CCDC15: variants seen among roughly 807,000 people sequenced by gnomAD.
CCDC15 encodes the protein coiled-coil domain containing 15.
CCDC15 carries 105 observed loss-of-function variants against 114.5 expected under a neutral mutation model. The observed-to-expected ratio is 0.92, with a 90% CI of 0.78 to 1.08. The LOEUF (loss-of-function observed/expected upper bound fraction) is 1.08. Ranked by LOEUF, CCDC15 falls within the 50% of genes least tolerant of loss-of-function variation. The pLI is 0.00. For missense variants in CCDC15, 1,105 were observed against 1,093.6 expected, an observed-to-expected ratio of 1.01 and a Z score of -0.15; for synonymous variants, 334 against 377.8, an observed-to-expected ratio of 0.88 and a Z score of 1.34.
intron 8 of CCDC15, among the ~76,000 whole-genome samples, chr11:124,989,695 T>G (rs548415329): frequency 6.6e-6 from 1 of 152,220 alleles, no homozygotes; most frequent in African/African-American, 2.4e-5. Context: ...CACTTACCGC[T>G]TCACCTTGCC....
intron 13 of CCDC15, among the ~76,000 whole-genome samples, chr11:125,017,557 A>C (rs1948636371): frequency 6.6e-6 from 1 of 152,194 alleles, no homozygotes; most frequent in Admixed American, 6.6e-5. Context: ...TGTACAATGC[A>C]TAATGGCTGA....
chr11:124,987,973 C>T lies in CCDC15; in HGVS notation c.1747C>T (p.Gln583Ter). ...DQNILPICQDQDFLPRDQGYL... is the reference protein window; with the variant it reads ...DQNILPICQD ...AAATATTCTACCCATATGTCAGGAC[C>T]AGGATTTTCTACCCAGAGACCAAGG... Residue 583 changes from glutamine (Q) to a stop codon, truncating the protein, a stop_gained, in exon 8 of 16, where the codon CAG becomes TAG. Transcript: ENST00000344762. LOFTEE classifies it high-confidence loss of function. The T allele has an allele frequency of 6.2e-7, 1 of 1,613,918 alleles. No individual in the cohort carries two copies. The highest frequency in any genetic ancestry group is 8.5e-7 in the Non-Finnish European group (1 of 1,179,854).
chr11:125,034,582 A>G (rs1948763286), intron 13 of CCDC15, among the ~76,000 whole-genome samples: 1 of 152,228 alleles, frequency 6.6e-6, no homozygotes. Flanking sequence ...AGGAGCAACC[A>G]ACCAACTTCA....
At position 124,987,155 on chromosome 11, in the gene CCDC15, T is replaced by A; in HGVS notation, c.929T>A (p.Val310Asp). 1.3e-6 allele frequency: 2 copies of A among 1,515,902 alleles called. No individual in the cohort carries two copies. Among genetic ancestry groups the A allele is most frequent in the Non-Finnish European group, 1.8e-6 (2 of 1,135,658 alleles). The allele number at this position is 1,515,902 out of a possible 1,614,324, so 93.9% of individuals were successfully genotyped here. Residue 310 changes from valine (V) to aspartate (D), a missense_variant, in exon 8 of 16, where the codon GTT becomes GAT. Physicochemically the swap from Val to Asp is radical, Grantham distance 152. Transcript: ENST00000344762. Reference protein sequence around the residue: ...QKVKFKNPLFVLMEEEEQKQL... With the variant: ...QKVKFKNPLFDLMEEEEQKQL... Reference sequence around the variant, plus strand: ...GTAAAATTCAAAAATCCATTATTTGTTCTGATGGAAGAGGAAGAACAAAAG... The same window carrying A: ...GTAAAATTCAAAAATCCATTATTTGATCTGATGGAAGAGGAAGAACAAAAG...
intron 13 of CCDC15, among the ~76,000 whole-genome samples, chr11:125,010,070 C>G (rs1473636184): frequency 1.3e-5 from 2 of 152,160 alleles, no homozygotes; most frequent in Non-Finnish European, 2.9e-5. Flanking sequence ...AAACCGCTTT[C>G]CACAGTGGCT....
In CCDC15 at chr11:125,034,677, G is replaced by A. The variant is rs562195763; in HGVS notation, c.2412-3754G>A. The stretch of plus-strand genomic sequence containing the variant: ...CTTGCCTTTCATGAGCAGTGAATCA[G>A]GAGTGTCAAATGCATTTATTTTGCA... On this transcript the variant is annotated intron_variant, in intron 13 of 15. Coordinates refer to ENST00000344762, the MANE Select transcript of CCDC15 (RefSeq NM_025004.3). Among the ~76,000 whole-genome samples, 4 of 152,232 alleles carry A rather than the reference G, an allele frequency of 2.6e-5. No homozygotes were observed. The South Asian group carries it at 8.3e-4, about 32-fold the overall frequency.
Position 124,993,188 on chromosome 11 carries a change from C to T in CCDC15, c.2159C>T (p.Pro720Leu), listed in dbSNP as rs1385206584. Residue 720 changes from proline (P) to leucine (L), a missense_variant, in exon 11 of 16, where the codon CCC becomes CTC. Pro to Leu is a moderately conservative substitution (Grantham distance 98). Transcript: ENST00000344762. ...CTTTAGAACAAGCATATCAAACTAC[C>T]CTCATCTTTTGAGAAATGGGAGATT... The part of the protein sequence containing the change: ...PREQNKHIKL[P>L]SSFEKWEIAR... 5 of 1,605,988 alleles carry T rather than the reference C, an allele frequency of 3.1e-6. No homozygotes were observed. The highest frequency in any genetic ancestry group is 2.2e-5 in the East Asian group (1 of 44,792).
chr11:124,994,527 TG>T (rs533573078), intron 11 of CCDC15, among the ~76,000 whole-genome samples: 27 of 152,310 alleles, frequency 1.8e-4, no homozygotes, highest in Admixed American at 1.4e-3. Context: ...GGTATATTTC[TG>T]ATGGCCATTG....
rs1236684599 is a variant in CCDC15, at chr11:124,988,148, G to T, written c.1908+14G>T. ...CCAAAATATCAGGTAAAATAGAGCAGAAAGGAGATACAAAAAGAAGAAATA... is the reference window on the plus strand; with the variant it reads ...CCAAAATATCAGGTAAAATAGAGCATAAAGGAGATACAAAAAGAAGAAATA... On this transcript the variant is annotated intron_variant, in intron 8 of 15. Coordinates refer to ENST00000344762, the MANE Select transcript of CCDC15 (RefSeq NM_025004.3). 1 of 1,592,218 alleles carries T rather than the reference G, an allele frequency of 6.3e-7. No homozygotes were observed. Among genetic ancestry groups the T allele is most frequent in the South Asian group, 1.1e-5 (1 of 87,164 alleles).
intron 6 of CCDC15, among the ~76,000 whole-genome samples, chr11:124,980,526 C>A (rs2097304774): frequency 6.6e-6 from 1 of 152,188 alleles, no homozygotes; most frequent in South Asian, 2.1e-4. Context: ...GATATTTATC[C>A]ATTTCTTCCA....
At chr11:124,986,269 A>G (rs1383208766) in intron 6 of CCDC15, among the ~76,000 whole-genome samples, 1 of 152,158 alleles carries the variant, frequency 6.6e-6, no homozygotes, top group Admixed American at 6.5e-5. Flanking sequence ...AACTTTTGAA[A>G]TTGGGAGGAA....
At position 124,986,714 on chromosome 11, in the gene CCDC15, T is replaced by TGC. The variant is rs60614383; in HGVS notation, c.754-24_754-23dup. On this transcript the variant is annotated intron_variant, in intron 6 of 15. Transcript: ENST00000344762. ...GTTTGTGTGTGTGCGCGCGCGCGCG[T>TGC]GCGCGTTTTCATTGTTTTTTTCTTT... is the stretch of plus-strand genomic sequence containing the variant. The TGC allele has an allele frequency of 1.5e-5, 19 of 1,307,374 alleles. No individual in the cohort carries two copies. In the South Asian group the frequency reaches 1.8e-4, roughly 13 times the overall value. 81.0% of individuals were successfully genotyped at this position (1,307,374 alleles called of 1,614,324 possible).
chr11:125,007,862 G>A (rs1041824672), intron 13 of CCDC15, among the ~76,000 whole-genome samples: 7 of 152,148 alleles, frequency 4.6e-5, no homozygotes, highest in African/African-American at 9.7e-5. Flanking sequence ...CTGAAGTGGC[G>A]GCAGTGGGTG....
chr11:125,023,998 G>T lies in CCDC15; in HGVS notation c.2412-14433G>T, dbSNP rs80230242. Among the ~76,000 whole-genome samples, 807 of 152,018 alleles carry T rather than the reference G, an allele frequency of 5.3e-3. 6 individuals carry two copies. The highest frequency in any genetic ancestry group is 0.018 in the African/African-American group (752 of 41,504). On this transcript the variant is annotated intron_variant, in intron 13 of 15. Coordinates refer to ENST00000344762, the MANE Select transcript of CCDC15 (RefSeq NM_025004.3). ...GGGAGTGACTGCTAATAAGTATAAG[G>T]TTTCTTTATGGCATAATAAAAATGT...
chr11:124,962,697 G>A (rs1309025309), intron 4 of CCDC15, among the ~76,000 whole-genome samples: 2 of 150,216 alleles, frequency 1.3e-5, no homozygotes, highest in Admixed American at 6.6e-5. Context: ...TGTGCACAAC[G>A]TGCAGGTTTG....
intron 6 of CCDC15, among the ~76,000 whole-genome samples, chr11:124,980,338 GA>G (rs1216417893): frequency 6.6e-6 from 1 of 152,178 alleles, no homozygotes; most frequent in African/African-American, 2.4e-5. Flanking sequence ...AGTTTCAGTA[GA>G]AATGATACCA....
intron 13 of CCDC15, among the ~76,000 whole-genome samples, chr11:125,015,793 T>G (rs1428404651): frequency 1.3e-5 from 2 of 152,170 alleles, no homozygotes; most frequent in African/African-American, 4.8e-5. Context: ...TACAGACTAA[T>G]TTTTCTTGTG....
At position 124,993,195 on chromosome 11, in the gene CCDC15, T is replaced by G. The variant is rs1165577987; in HGVS notation, c.2166T>G (p.Ser722=). 3 of 1,607,396 alleles carry G rather than the reference T, an allele frequency of 1.9e-6. No individual in the cohort carries two copies. The Admixed American group carries it at 5.0e-5, about 27-fold the overall frequency. Residue 722 remains serine, a synonymous_variant, in exon 11 of 16, where the codon TCT becomes TCG. Coordinates refer to ENST00000344762, the MANE Select transcript of CCDC15 (RefSeq NM_025004.3). ...ACAAGCATATCAAACTACCCTCATC[T>G]TTTGAGAAATGGGAGATTGCAAGAG... is the stretch of plus-strand genomic sequence containing the variant. ...EQNKHIKLPS[S]FEKWEIARGN...
intron 7 of CCDC15, 60 bp downstream of exon 7, chr11:124,986,948 T>C (rs1948177012): frequency 4.1e-6 from 6 of 1,461,292 alleles, no homozygotes; most frequent in Non-Finnish European, 5.4e-6. Flanking sequence ...CCAGTAATGT[T>C]GTACTGATTT....
Sources: allele counts gnomAD v4.1 joint callset (sites outside exome capture counted in the v4.1 genomes callset), GRCh38; gene constraint gnomAD v4.1.1; transcripts MANE v1.5; gene names NCBI Gene and HGNC (gene_info 2026-07-23, HGNC 2026-07-21).